Variants in SCN1A observed in about 807,000 individuals in gnomAD.
SCN1A encodes sodium channel protein type 1 subunit alpha.
Under a neutral mutation model 193.7 loss-of-function variants are expected in SCN1A, and 13 were observed. The observed-to-expected ratio is 0.07, with a 90% CI of 0.04 to 0.11. SCN1A has a LOEUF of 0.11. SCN1A is among the 10% of genes least tolerant of loss of function. SCN1A has a pLI of 1.00. For synonymous variants in SCN1A, 781 were observed against 843.6 expected, an observed-to-expected ratio of 0.93 and a Z score of 1.29; for missense variants, 1,432 against 2,451.1, an observed-to-expected ratio of 0.58 and a Z score of 8.78.
At chr2:166,137,887 C>G (rs1471880807) in intron 1 of SCN1A, among the ~76,000 whole-genome samples, 1 of 152,112 alleles carries the variant, frequency 6.6e-6, no homozygotes, top group Non-Finnish European at 1.5e-5. Flanking sequence ...TGGCTTTGAC[C>G]AAAATGCTGA....
chr2:166,082,469 A>G (rs1685635217), intron 2 of SCN1A, among the ~76,000 whole-genome samples: 4 of 143,534 alleles, frequency 2.8e-5, no homozygotes, highest in Non-Finnish European at 1.6e-5. Context: ...GGTCTCTCCA[A>G]GGAATTTATA....
intron 23 of SCN1A, among the ~76,000 whole-genome samples, chr2:166,006,191 A>T (rs549542679): frequency 1.3e-5 from 2 of 151,492 alleles, no homozygotes; most frequent in African/African-American, 4.8e-5. Context: ...AAAAGTGGGC[A>T]AAGTAGGAAT....
At chr2:166,082,243 C>T (rs12998106) in intron 2 of SCN1A, among the ~76,000 whole-genome samples, 34,422 of 151,850 alleles carry the variant, frequency 0.23, 3,981 homozygotes, top group Middle Eastern at 0.41. Context: ...TTGTTTAGAA[C>T]TTATGTGCTT....
intron 19 of SCN1A, 24 bp downstream of exon 19, chr2:166,036,024 C>A: frequency 1.2e-6 from 2 of 1,609,738 alleles, no homozygotes; most frequent in African/African-American, 1.3e-5. Flanking sequence ...GTATTCATAC[C>A]TTCCCACACC....
rs1689353259 is a variant in SCN1A at position 165,992,328 on chromosome 2, C to G, written c.4947G>C (p.Leu1649=). The G allele has an allele frequency of 6.2e-7, 1 of 1,613,592 alleles. No homozygotes were observed. The highest frequency in any genetic ancestry group is 1.1e-5 in the South Asian group (1 of 91,072). Residue 1649 remains leucine (L), a synonymous_variant, in exon 29 of 29, where the codon CTG becomes CTC. Transcript: ENST00000674923. The surrounding 1 kb of genome is among the most constrained non-coding windows in gnomAD (Gnocchi z 6.5). ...TGCGGATCCCCTTTGCTCCTTTGAT[C>G]AGACGTAGGATTCGGCCAATCCTAG... ...RLARIGRILR[L]IKGAKGIRTL...
intron 2 of SCN1A, among the ~76,000 whole-genome samples, chr2:166,100,662 A>C (rs1412867855): frequency 1.4e-5 from 2 of 147,858 alleles, no homozygotes; most frequent in Non-Finnish European, 3.0e-5. Flanking sequence ...AAACAAATTT[A>C]CAAGAAAAAA....
chr2:166,082,401 A>T (rs1316936986), intron 2 of SCN1A, among the ~76,000 whole-genome samples: 2 of 152,074 alleles, frequency 1.3e-5, no homozygotes, highest in African/African-American at 4.8e-5. Context: ...GCTAAATAAA[A>T]TATATGAAAA....
chr2:166,032,852 A>G (rs1475193584), intron 19 of SCN1A, among the ~76,000 whole-genome samples: 2 of 152,144 alleles, frequency 1.3e-5, no homozygotes, highest in Non-Finnish European at 2.9e-5. Context: ...AAACAACAAA[A>G]TCTAACTCAA....
intron 5 of SCN1A, among the ~76,000 whole-genome samples, chr2:166,056,969 G>A (rs1699197675): frequency 1.3e-5 from 2 of 152,170 alleles, no homozygotes; most frequent in East Asian, 3.9e-4. Context: ...TTCAACGCAT[G>A]AAAACAATTT....
intron 12 of SCN1A, 27 bp from the exon 13 acceptor site, chr2:166,045,354 A>AT (rs775253737): frequency 1.2e-6 from 2 of 1,612,258 alleles, no homozygotes; most frequent in Non-Finnish European, 1.7e-6. Flanking sequence ...TGATTTTAAC[A>AT]TAGCACCTGA....
At chr2:166,012,791 C>T (rs994689895) in intron 21 of SCN1A, among the ~76,000 whole-genome samples, 22 of 144,712 alleles carry the variant, frequency 1.5e-4, no homozygotes, top group Admixed American at 3.4e-4. Flanking sequence ...TTATGTTTCT[C>T]AACAGACATA....
At chr2:166,134,905 T>G (rs745961183) in intron 1 of SCN1A, among the ~76,000 whole-genome samples, 1 of 152,146 alleles carries the variant, frequency 6.6e-6, no homozygotes. Context: ...ATTTAAAGCA[T>G]TATCTCCATA....
chr2:166,040,928 T>C (rs1414615796), intron 16 of SCN1A, among the ~76,000 whole-genome samples: 1 of 152,170 alleles, frequency 6.6e-6, no homozygotes, highest in African/African-American at 2.4e-5. Flanking sequence ...GAAATTGTAA[T>C]AATATCTCAA....
At chr2:166,105,106 G>GT (rs1158672798) in intron 2 of SCN1A, among the ~76,000 whole-genome samples, 1 of 152,184 alleles carries the variant, frequency 6.6e-6, no homozygotes, top group Non-Finnish European at 1.5e-5. Flanking sequence ...TTAATTTAAT[G>GT]TTTTATACAT....
At chr2:166,106,389 T>C (rs1688695774) in intron 2 of SCN1A, among the ~76,000 whole-genome samples, 1 of 151,982 alleles carries the variant, frequency 6.6e-6, no homozygotes, top group Non-Finnish European at 1.5e-5. Flanking sequence ...AAGGTTGGGG[T>C]CCAAACTTCA....
At chr2:166,073,287 T>C in intron 4 of SCN1A, 71 bp downstream of exon 4, 8 of 1,570,702 alleles carry the variant, frequency 5.1e-6, no homozygotes, top group Non-Finnish European at 6.1e-6. Flanking sequence ...TTGGCATGTG[T>C]TGGTGCTACA....
chr2:166,057,609 G>C (rs562609747), intron 5 of SCN1A, among the ~76,000 whole-genome samples: 1 of 151,894 alleles, frequency 6.6e-6, no homozygotes, highest in South Asian at 2.1e-4. Context: ...ACTTCCCTAA[G>C]TATAAAAACC....
chr2:166,120,596 C>CTTTTTTTTTTTT (rs57044851), intron 2 of SCN1A, among the ~76,000 whole-genome samples: 5 of 72,456 alleles, frequency 6.9e-5, no homozygotes, highest in Admixed American at 2.3e-4. Context: ...TTTCTTTTCT[C>CTTTTTTTTTTTT]TTTTTTTTTT....
At chr2:166,143,211 G>C (rs1221182966) in intron 1 of SCN1A, among the ~76,000 whole-genome samples, 1 of 129,214 alleles carries the variant, frequency 7.7e-6, no homozygotes, top group Non-Finnish European at 1.5e-5. Flanking sequence ...CTGTCGCCCA[G>C]GCTGGAGTGC....
Sources: gnomAD v4.1 joint callset for allele counts (sites outside exome capture counted in the v4.1 genomes callset) on GRCh38, gnomAD v4.1.1 for gene constraint, Gnocchi (gnomAD v3.1) non-coding constraint, MANE v1.5 for transcripts, NCBI Gene and HGNC (gene_info 2026-07-23, HGNC 2026-07-21) for gene names.